Variants in MKRN2 observed in about 807,000 individuals in gnomAD.
The protein encoded by MKRN2 is E3 ubiquitin-protein ligase makorin-2.
A neutral mutation model predicts 45.4 loss-of-function variants in MKRN2; 32 were observed. The ratio of observed to expected loss-of-function variants is 0.70; its 90% CI spans 0.53 to 0.95. The LOEUF is 0.95. Ranked by LOEUF, MKRN2 falls within the 40% of genes least tolerant of loss-of-function variation. The pLI is 0.00. For missense variants in MKRN2, 526 were observed against 536.7 expected, an observed-to-expected ratio of 0.98 and a Z score of 0.20; for synonymous variants, 206 against 192.4, an observed-to-expected ratio of 1.07 and a Z score of -0.59.
At chr3:12,577,968 C>T (rs1299400667) in intron 6 of MKRN2, among the ~76,000 whole-genome samples, 2 of 152,124 alleles carry the variant, frequency 1.3e-5, no homozygotes, top group Admixed American at 1.3e-4. Context: ...TGAGCCACTG[C>T]GCCTGGCCAA....
chr3:12,576,129 A>ATG (rs1238480930), intron 5 of MKRN2, among the ~76,000 whole-genome samples: 1 of 151,660 alleles, frequency 6.6e-6, no homozygotes. Context: ...ACCCTTTTAC[A>ATG]TTCTCACCAG....
rs750017482 is a variant in MKRN2, at chr3:12,572,299, G to A, written c.568G>A (p.Gly190Arg). ...RFGDACVYLH[G>R]EVCEICRLQV... ...TGGGGATGCCTGTGTCTACCTGCACGGGGAGGTGTGTGAAATCTGTAGGCT... is the reference window on the plus strand; with the variant it reads ...TGGGGATGCCTGTGTCTACCTGCACAGGGAGGTGTGTGAAATCTGTAGGCT... Residue 190 changes from glycine to arginine, a missense_variant, in exon 4 of 8, where the codon GGG becomes AGG. Coordinates refer to ENST00000170447, the MANE Select transcript of MKRN2 (RefSeq NM_014160.5). 49 of 1,612,836 alleles carry A rather than the reference G, an allele frequency of 3.0e-5. No homozygotes were observed. Among genetic ancestry groups the A allele is most frequent in the Middle Eastern group, 1.6e-4 (1 of 6,080 alleles).
chr3:12,576,530 A>G lies in MKRN2; in HGVS notation c.858-101A>G. 4.3e-6 allele frequency: 3 copies of G among 705,112 alleles called. No individual in the cohort carries two copies. The East Asian group carries it at 8.5e-5, about 20-fold the overall frequency. 43.7% of individuals were successfully genotyped at this position (705,112 alleles called of 1,614,324 possible). On this transcript the variant is annotated intron_variant, in intron 5 of 7. Coordinates refer to ENST00000170447, the MANE Select transcript of MKRN2 (RefSeq NM_014160.5). Reference sequence around the variant, plus strand: ...ATCTTTTGGAATTTCTGGTGAAGGAAATGCCTGTAGTGGTGAGGCAGTTGA... The same window carrying G: ...ATCTTTTGGAATTTCTGGTGAAGGAGATGCCTGTAGTGGTGAGGCAGTTGA...
Position 12,583,636 on chromosome 3 carries a change from A to G in MKRN2, c.*1383A>G, listed in dbSNP as rs1050507592. On this transcript the variant is annotated 3_prime_UTR_variant, in exon 8 of 8. Coordinates refer to ENST00000170447, the MANE Select transcript of MKRN2 (RefSeq NM_014160.5). ...ATTTAATTTATTTTATTAAAATAACATAATTGAGGGACCATCAGATAACTG... is the reference window on the plus strand; with the variant it reads ...ATTTAATTTATTTTATTAAAATAACGTAATTGAGGGACCATCAGATAACTG... 4.3e-6 allele frequency: 1 copy of G among 232,776 alleles called. No individual in the cohort carries two copies. Among genetic ancestry groups the G allele is most frequent in the Non-Finnish European group, 8.5e-6 (1 of 117,820 alleles). The allele number at this position is 232,776 out of a possible 1,614,324, so 14.4% of individuals were successfully genotyped here.
chr3:12,572,657 C>T (rs2058106878), intron 4 of MKRN2, among the ~76,000 whole-genome samples: 1 of 151,778 alleles, frequency 6.6e-6, no homozygotes, highest in East Asian at 1.9e-4. Flanking sequence ...AATCTCGGCT[C>T]ACTGCAACCT....
intron 5 of MKRN2, among the ~76,000 whole-genome samples, chr3:12,576,094 G>A (rs1389031140): frequency 1.3e-5 from 2 of 152,070 alleles, no homozygotes; most frequent in African/African-American, 2.4e-5. Context: ...TGGAGAATCT[G>A]CCAGACTCTG....
At chr3:12,574,711 G>A in intron 4 of MKRN2, 81 bp from the exon 5 acceptor site, 5 of 1,271,654 alleles carry the variant, frequency 3.9e-6, no homozygotes, top group African/African-American at 1.5e-5. Flanking sequence ...AGCTGTGGCA[G>A]TGTGGCTGCA....
chr3:12,571,164 T>A (rs2058096916), intron 3 of MKRN2, among the ~76,000 whole-genome samples: 1 of 151,944 alleles, frequency 6.6e-6, no homozygotes, highest in Non-Finnish European at 1.5e-5. Context: ...ACTCGCTCTG[T>A]CGCCTAGGCT....
intron 5 of MKRN2, among the ~76,000 whole-genome samples, chr3:12,575,767 T>G (rs546766761): frequency 2.5e-4 from 38 of 152,336 alleles, no homozygotes; most frequent in African/African-American, 7.5e-4. Context: ...ATAAATGGAA[T>G]CATAGAATTT....
At chr3:12,569,959 G>T (rs1013509366) in intron 2 of MKRN2, 112 bp from the exon 3 acceptor site, 3 of 1,021,864 alleles carry the variant, frequency 2.9e-6, no homozygotes, top group East Asian at 2.5e-5. Context: ...AAAGATGGCC[G>T]CCTTCTTCAC....
chr3:12,571,722 TTTTG>T (rs1355430535), intron 3 of MKRN2, among the ~76,000 whole-genome samples: 1 of 152,218 alleles, frequency 6.6e-6, no homozygotes, highest in African/African-American at 2.4e-5. Context: ...CTCACTGTTT[TTTTG>T]TTTGTTTTAG....
chr3:12,575,150 T>C, intron 5 of MKRN2, 144 bp downstream of exon 5: 1 of 720,672 alleles, frequency 1.4e-6, no homozygotes, highest in Non-Finnish European at 2.3e-6. Flanking sequence ...CAGCAAGTCA[T>C]TTACTCTTCC....
At position 12,576,624 on chromosome 3, in the gene MKRN2, A is replaced by G; in HGVS notation, c.858-7A>G. ...CTTCTCCCTTAGTAATCTAATTCTT[A>G]TTTCAGGTCTTGTCCAGAATGCCGT... is the stretch of plus-strand genomic sequence containing the variant. On this transcript the variant is annotated splice_polypyrimidine_tract_variant and splice_region_variant and intron_variant, in intron 5 of 7. Coordinates refer to ENST00000170447, the MANE Select transcript of MKRN2 (RefSeq NM_014160.5). The G allele has an allele frequency of 6.4e-7, 1 of 1,574,574 alleles. No individual in the cohort carries two copies. Among genetic ancestry groups the G allele is most frequent in the South Asian group, 1.1e-5 (1 of 90,076 alleles).
intron 3 of MKRN2, 123 bp from the exon 4 acceptor site, chr3:12,571,946 G>A (rs1479356820): frequency 1.1e-6 from 1 of 880,336 alleles, no homozygotes; most frequent in East Asian, 3.0e-5. Flanking sequence ...TGTTTTTTTT[G>A]CCATATGTTC....
intron 1 of MKRN2, among the ~76,000 whole-genome samples, chr3:12,558,470 G>A (rs943980213): frequency 6.6e-6 from 1 of 152,082 alleles, no homozygotes; most frequent in African/African-American, 2.4e-5. Flanking sequence ...TCCTCCCCTC[G>A]CTCTATGGTT....
At position 12,558,602 on chromosome 3, in the gene MKRN2, T is replaced by C. The variant is rs574207924; in HGVS notation, c.26+1426T>C. The stretch of plus-strand genomic sequence containing the variant: ...AGTATCTTATTTTACAAATAAGGAA[T>C]CTTATGCTCAGAAAGACTTGAAATT... On this transcript the variant is annotated intron_variant, in intron 1 of 7. Coordinates refer to ENST00000170447, the MANE Select transcript of MKRN2 (RefSeq NM_014160.5). 7.9e-5 allele frequency among the ~76,000 whole-genome samples: 12 copies of C among 152,332 alleles called. No individual in the cohort carries two copies. The South Asian group carries it at 2.1e-3, about 26-fold the overall frequency.
At chr3:12,576,903 C>A in intron 6 of MKRN2, 162 bp downstream of exon 6, 9 of 295,242 alleles carry the variant, frequency 3.0e-5, no homozygotes, top group East Asian at 6.7e-5. Flanking sequence ...TGAGCAAGGA[C>A]ATGGTGATGT....
In MKRN2 at chr3:12,576,760, C is replaced by T. The variant is rs753184755; in HGVS notation, c.968+19C>T. 43 of 1,530,062 alleles carry T rather than the reference C, an allele frequency of 2.8e-5. No individual in the cohort carries two copies. In the East Asian group the frequency reaches 6.6e-4, roughly 23 times the overall value. 94.8% of individuals were successfully genotyped at this position (1,530,062 alleles called of 1,614,324 possible). A position where few individuals can be genotyped will look rare whatever the true frequency, so the allele number is the denominator to read the frequency against. On this transcript the variant is annotated intron_variant, in intron 6 of 7. Coordinates refer to ENST00000170447, the MANE Select transcript of MKRN2 (RefSeq NM_014160.5). ...GGATGGGGTAAGTGCTTTTGAGTTT[C>T]GACGTGCCCCTGCTGCCTGCCTGGC...
At chr3:12,576,187 A>ATGTGTGTGTGTGTG (rs1296884589) in intron 5 of MKRN2, among the ~76,000 whole-genome samples, 5 of 128,748 alleles carry the variant, frequency 3.9e-5, no homozygotes, top group African/African-American at 1.4e-4. Flanking sequence ...AGGAAACCAT[A>ATGTGTGTGTGTGTG]TATGTGTGTG....
Sources: allele counts gnomAD v4.1 joint callset (sites outside exome capture counted in the v4.1 genomes callset), GRCh38; gene constraint gnomAD v4.1.1; transcripts MANE v1.5; gene names NCBI Gene and HGNC (gene_info 2026-07-23, HGNC 2026-07-21).